The following SLC4A3 variants were observed in gnomAD, a reference collection of about 807,000 sequenced individuals.
The protein encoded by SLC4A3 is solute carrier family 4 member 3.
Under a neutral mutation model 114.2 loss-of-function variants are expected in SLC4A3, and 47 were observed. The observed-to-expected ratio is 0.41, with a 90% confidence interval of 0.33 to 0.52. SLC4A3 has a LOEUF of 0.52. Ranked by LOEUF, SLC4A3 falls within the 20% of genes least tolerant of loss-of-function variation. SLC4A3 has a pLI of 0.21. For missense variants in SLC4A3, 1,312 were observed against 1,668.3 expected, an observed-to-expected ratio of 0.79 and a Z score of 3.72; for synonymous variants, 693 against 710.3, an observed-to-expected ratio of 0.98 and a Z score of 0.39.
Position 219,627,982 on chromosome 2 carries a change from C to G in SLC4A3, c.-11C>G. 1 of 1,601,186 alleles carries G rather than the reference C, an allele frequency of 6.2e-7. No individual in the cohort carries two copies. The highest frequency in any genetic ancestry group is 8.5e-7 in the Non-Finnish European group (1 of 1,174,774). ...TAGTGAGCGAGAGCGTCCCCAGCCG[C>G]CTACCTGGCCATGGCCAACGGAGTG... On this transcript the variant is annotated 5_prime_UTR_variant, in exon 2 of 23. Transcript: ENST00000358055.
Position 219,637,571 on chromosome 2 carries a change from C to CCA in SLC4A3, c.2536-3_2536-2dup. Reference sequence around the variant, plus strand: ...GTGAGTGACAAGGCATCCTTGTTATCCACACACAGGTGTTCACAGAGCACC... The same window carrying CCA: ...GTGAGTGACAAGGCATCCTTGTTATCCACACACACAGGTGTTCACAGAGCACC... On this transcript the variant is annotated splice_polypyrimidine_tract_variant and intron_variant, in intron 16 of 22. Transcript: ENST00000358055. The surrounding 1 kb of genome is among the most constrained non-coding windows in gnomAD (Gnocchi z 4.6). 6.8e-7 allele frequency: 1 copy of CCA among 1,465,546 alleles called. No homozygotes were observed. The highest frequency in any genetic ancestry group is 1.2e-5 in the South Asian group (1 of 81,526). The allele number at this position is 1,465,546 out of a possible 1,614,324, so 90.8% of individuals were successfully genotyped here.
Position 219,628,392 on chromosome 2 carries a change from T to C in SLC4A3, c.52-13T>C. The C allele has an allele frequency of 6.2e-7, 1 of 1,603,636 alleles. No individual in the cohort carries two copies. Among genetic ancestry groups the C allele is most frequent in the Non-Finnish European group, 8.5e-7 (1 of 1,176,070 alleles). ...GGTCAGGGGTCCTTAGCAGAGGCCG[T>C]CTGGGCCTGCAGGTCCGGGTGCCCT... On this transcript the variant is annotated splice_polypyrimidine_tract_variant and intron_variant, in intron 2 of 22. Transcript: ENST00000358055. This position sits in a 1 kb window ranked among gnomAD's most constrained non-coding sequence, Gnocchi z 4.8.
In SLC4A3 at chr2:219,638,881, G is replaced by T. The variant is rs368077130; in HGVS notation, c.3023+12G>T. The T allele has an allele frequency of 4.8e-5, 78 of 1,611,946 alleles. No homozygotes were observed. The highest frequency in any genetic ancestry group is 6.5e-5 in the Non-Finnish European group (77 of 1,179,884). On this transcript the variant is annotated intron_variant, in intron 19 of 22. Transcript: ENST00000358055. The surrounding 1 kb of genome is among the most constrained non-coding windows in gnomAD (Gnocchi z 7.5). ...ACACAGATCACGGCGTGAGAGAGAT[G>T]GGAGGAGGAGGTGGGAGGGACGAGG... is the stretch of plus-strand genomic sequence containing the variant.
Position 219,638,378 on chromosome 2 carries a change from C to T in SLC4A3, c.2856+125C>T, listed in dbSNP as rs531109430. ...AACTCAACTTTCCCAGTGGAGTGGC[C>T]GCCCTGGGGGCTGAGGGCCTTCCCC... On this transcript the variant is annotated intron_variant, in intron 18 of 22. Transcript: ENST00000358055. This position sits in a 1 kb window ranked among gnomAD's most constrained non-coding sequence, Gnocchi z 7.5. 9.2e-5 allele frequency: 73 copies of T among 789,632 alleles called. No homozygotes were observed. The highest frequency in any genetic ancestry group is 8.9e-4 in the African/African-American group (52 of 58,624). The allele number at this position is 789,632 out of a possible 1,614,324, so 48.9% of individuals were successfully genotyped here.
chr2:219,632,664 G>A (rs889940137), intron 8 of SLC4A3, among the ~76,000 whole-genome samples: 2 of 152,244 alleles, frequency 1.3e-5, no homozygotes, highest in African/African-American at 2.4e-5. Flanking sequence ...TTCCTTGGTG[G>A]GGAGGGGCCG....
rs780172514 is a variant in SLC4A3, at chr2:219,628,870, C to G, written c.218-274C>G. 1 of 582,406 alleles carries G rather than the reference C, an allele frequency of 1.7e-6. No homozygotes were observed. The highest frequency in any genetic ancestry group is 2.3e-5 in the South Asian group (1 of 42,896). 36.1% of individuals were successfully genotyped at this position (582,406 alleles called of 1,614,324 possible). On this transcript the variant is annotated intron_variant, in intron 3 of 22. Coordinates refer to ENST00000358055, the MANE Select transcript of SLC4A3 (RefSeq NM_005070.4). This position sits in a 1 kb window ranked among gnomAD's most constrained non-coding sequence, Gnocchi z 4.8. ...CACTCACTCCCTCCTTGTCCCACCTCGGCTAGTCCAACTCCGCCTTTCCCC... is the reference window on the plus strand; with the variant it reads ...CACTCACTCCCTCCTTGTCCCACCTGGGCTAGTCCAACTCCGCCTTTCCCC...
intron 7 of SLC4A3, 33 bp from the exon 8 acceptor site, chr2:219,632,229 C>T (rs1156283939): frequency 5.6e-6 from 9 of 1,613,184 alleles, no homozygotes; most frequent in Non-Finnish European, 7.6e-6. Flanking sequence ...CACCTGTTGG[C>T]CCCTGGGCCC....
Position 219,641,877 on chromosome 2 carries a change from C to G in SLC4A3, c.*149C>G. The G allele has an allele frequency of 1.6e-6, 1 of 635,512 alleles. No individual in the cohort carries two copies. The highest frequency in any genetic ancestry group is 2.8e-6 in the Non-Finnish European group (1 of 358,088). 39.4% of individuals were successfully genotyped at this position (635,512 alleles called of 1,614,324 possible). Reference sequence around the variant, plus strand: ...TGATGCCATGGCTAGAGTGGCCCCCCTGACTTCTGCCCGGGGTGTTGACCT... The same window carrying G: ...TGATGCCATGGCTAGAGTGGCCCCCGTGACTTCTGCCCGGGGTGTTGACCT... On this transcript the variant is annotated 3_prime_UTR_variant, in exon 23 of 23. Transcript: ENST00000358055. This position sits in a 1 kb window ranked among gnomAD's most constrained non-coding sequence, Gnocchi z 4.0.
chr2:219,629,759 C>T, intron 5 of SLC4A3, 64 bp downstream of exon 5: 9 of 1,118,480 alleles, frequency 8.0e-6, no homozygotes, highest in South Asian at 1.4e-5. Context: ...GAGCTCCTGG[C>T]AGTCACCTCC....
At position 219,630,120 on chromosome 2, in the gene SLC4A3, G is replaced by C. The variant is rs1168048962; in HGVS notation, c.612-33G>C. 6.2e-7 allele frequency: 1 copy of C among 1,610,374 alleles called. No individual in the cohort carries two copies. Among genetic ancestry groups the C allele is most frequent in the Non-Finnish European group, 8.5e-7 (1 of 1,178,156 alleles). ...GTGATGGAACCACCGACCTGGCCCT[G>C]TCAAGTCCAAGGCTGCTGTGTTGCC... is the stretch of plus-strand genomic sequence containing the variant. On this transcript the variant is annotated intron_variant, in intron 5 of 22. Coordinates refer to ENST00000358055, the MANE Select transcript of SLC4A3 (RefSeq NM_005070.4). This position sits in a 1 kb window ranked among gnomAD's most constrained non-coding sequence, Gnocchi z 6.9.
At position 219,638,016 on chromosome 2, in the gene SLC4A3, T is replaced by TGC. The variant is rs938923089; in HGVS notation, c.2767-145_2767-144dup. On this transcript the variant is annotated intron_variant, in intron 17 of 22. Coordinates refer to ENST00000358055, the MANE Select transcript of SLC4A3 (RefSeq NM_005070.4). The surrounding 1 kb of genome is among the most constrained non-coding windows in gnomAD (Gnocchi z 7.5). Reference sequence around the variant, plus strand: ...TAATCAAGACAACAGCCTCCCAGGCTGCGCTGGCACCTGTGGGGTTGAGAG... The same window carrying TGC: ...TAATCAAGACAACAGCCTCCCAGGCTGCGCGCTGGCACCTGTGGGGTTGAGAG... 4.3e-5 allele frequency: 31 copies of TGC among 726,826 alleles called. No individual in the cohort carries two copies. Among genetic ancestry groups the TGC allele is most frequent in the African/African-American group, 2.6e-4 (15 of 57,336 alleles). The allele number at this position is 726,826 out of a possible 1,614,324, so 45.0% of individuals were successfully genotyped here.
intron 10 of SLC4A3, 126 bp from the exon 11 acceptor site, chr2:219,633,754 A>G (rs1186762203): frequency 7.1e-7 from 1 of 1,409,530 alleles, no homozygotes; most frequent in Non-Finnish European, 9.4e-7. Flanking sequence ...GTGGGGCCAC[A>G]GTGCAGTACC....
Position 219,639,656 on chromosome 2 carries a change from C to T in SLC4A3, c.3198C>T (p.Ala1066=), listed in dbSNP as rs756045928. The change falls in exon 20 of 23, where the codon GCC becomes GCT. Residue 1066 remains alanine, a synonymous_variant. Transcript: ENST00000358055. The surrounding 1 kb of genome is among the most constrained non-coding windows in gnomAD (Gnocchi z 5.9). ...ATGCGTTGACAGTGATGCGTACTGC[C>T]ATCGCGCCTGGTGACAAGCCCCAGA... ...HVNALTVMRT[A]IAPGDKPQIQ... 1.2e-5 allele frequency: 20 copies of T among 1,613,316 alleles called. 1 individual carries two copies. In the South Asian group the frequency reaches 2.2e-4, roughly 18 times the overall value.
In SLC4A3 at chr2:219,634,483, T is replaced by C. The variant is rs750724226; in HGVS notation, c.1625T>C (p.Leu542Pro). The C allele has an allele frequency of 6.2e-7, 1 of 1,614,100 alleles. No individual in the cohort carries two copies. Among genetic ancestry groups the C allele is most frequent in the Non-Finnish European group, 8.5e-7 (1 of 1,180,044 alleles). The change falls in exon 12 of 23, where the codon CTG becomes CCG. Residue 542 changes from leucine to proline, a missense_variant. This residue lies in a region of SLC4A3 where 771 missense variants were observed against 977.7 expected (regional missense o/e 0.79). Coordinates refer to ENST00000358055, the MANE Select transcript of SLC4A3 (RefSeq NM_005070.4). ...AFVRLNEAVL[L>P]ESVLEVPVPV... ...GTGCGTCTGAATGAGGCTGTACTCC[T>C]GGAGTCTGTGCTTGAGGTCCCTGTC...
At position 219,631,623 on chromosome 2, in the gene SLC4A3, G is replaced by A. The variant is rs1698925166; in HGVS notation, c.812-345G>A. On this transcript the variant is annotated intron_variant, in intron 6 of 22. Transcript: ENST00000358055. This position sits in a 1 kb window ranked among gnomAD's most constrained non-coding sequence, Gnocchi z 6.3. Reference sequence around the variant, plus strand: ...GAAAATGTTGGGGGCTCAGTGCCTGGGGACTCTGACTCAGTGCCTGTCATG... The same window carrying A: ...GAAAATGTTGGGGGCTCAGTGCCTGAGGACTCTGACTCAGTGCCTGTCATG... Among the ~76,000 whole-genome samples the A allele has an allele frequency of 6.6e-6, 1 of 152,146 alleles. No homozygotes were observed. Among genetic ancestry groups the A allele is most frequent in the African/African-American group, 2.4e-5 (1 of 41,418 alleles).
chr2:219,630,480 G>A lies in SLC4A3; in HGVS notation c.811+128G>A, dbSNP rs1284476035. ...TCCTCTCTGAATCCCTGTCTGCTGG[G>A]ATGTGGCCAGTGATGGGGACCTCAC... On this transcript the variant is annotated intron_variant, in intron 6 of 22. Coordinates refer to ENST00000358055, the MANE Select transcript of SLC4A3 (RefSeq NM_005070.4). This position sits in a 1 kb window ranked among gnomAD's most constrained non-coding sequence, Gnocchi z 6.9. 4 of 1,046,478 alleles carry A rather than the reference G, an allele frequency of 3.8e-6. No homozygotes were observed. The highest frequency in any genetic ancestry group is 5.4e-6 in the Non-Finnish European group (4 of 743,246). 64.8% of individuals were successfully genotyped at this position (1,046,478 alleles called of 1,614,324 possible).
In SLC4A3 at chr2:219,635,257, C is replaced by T. The variant is rs776957401; in HGVS notation, c.1747-14C>T. 1.2e-6 allele frequency: 2 copies of T among 1,612,252 alleles called. No homozygotes were observed. The highest frequency in any genetic ancestry group is 1.7e-6 in the Non-Finnish European group (2 of 1,178,578). On this transcript the variant is annotated splice_polypyrimidine_tract_variant and intron_variant, in intron 12 of 22. Coordinates refer to ENST00000358055, the MANE Select transcript of SLC4A3 (RefSeq NM_005070.4). ...GGCTGTCCCTGAGGGTCCTGGCCCT[C>T]TCATTGCCCCCAGCTGTTTCATGAG...
chr2:219,640,587 C>G lies in SLC4A3; in HGVS notation c.3435C>G (p.Pro1145=). 1 of 1,613,918 alleles carries G rather than the reference C, an allele frequency of 6.2e-7. No individual in the cohort carries two copies. Among genetic ancestry groups the G allele is most frequent in the South Asian group, 1.1e-5 (1 of 91,048 alleles). The part of the protein sequence containing the change: ...LMPAKHHPEQ[P]YVTKVKTWRM... The stretch of plus-strand genomic sequence containing the variant: ...CGGCAAAACACCATCCTGAGCAGCC[C>G]TATGTGACCAAGGTAGGGCCGGGAA... Residue 1145 remains proline (P), a synonymous_variant, in exon 21 of 23, where the codon CCC becomes CCG. Transcript: ENST00000358055.
chr2:219,634,397 C>T, intron 11 of SLC4A3, 23 bp from the exon 12 acceptor site: 1 of 1,612,672 alleles, frequency 6.2e-7, no homozygotes, highest in Non-Finnish European at 8.5e-7. Context: ...TGCCCAGCGC[C>T]CTGTGCTTTC....
Sources: gnomAD v4.1 joint callset for allele counts (sites outside exome capture counted in the v4.1 genomes callset) on GRCh38, gnomAD v4.1.1 for gene constraint, gnomAD v4.1.1 regional missense constraint, Gnocchi (gnomAD v3.1) non-coding constraint, MANE v1.5 for transcripts, NCBI Gene and HGNC (gene_info 2026-07-23, HGNC 2026-07-21) for gene names.